Variants in F13A1 observed in about 807,000 individuals in gnomAD.
F13A1 encodes the protein coagulation factor XIII A chain.
A neutral mutation model predicts 80.1 loss-of-function variants in F13A1; 47 were observed. The ratio of observed to expected loss-of-function variants is 0.59; its 90% CI spans 0.46 to 0.75. F13A1 has a LOEUF of 0.75. Ranked by LOEUF, F13A1 falls within the 30% of genes least tolerant of loss-of-function variation. The pLI, the probability that F13A1 is intolerant of heterozygous loss-of-function variation, is 0.00. For synonymous variants in F13A1, 349 were observed against 344.9 expected, an observed-to-expected ratio of 1.01 and a Z score of -0.13; for missense variants, 817 against 930.4, an observed-to-expected ratio of 0.88 and a Z score of 1.59.
At chr6:6,155,139 A>C (rs1760450676) in intron 13 of F13A1, among the ~76,000 whole-genome samples, 2 of 152,172 alleles carry the variant, frequency 1.3e-5, no homozygotes, top group Admixed American at 6.5e-5. Context: ...TGAACCCTAG[A>C]TTAAGAACCC....
At chr6:6,236,854 C>T (rs1489583596) in intron 6 of F13A1, among the ~76,000 whole-genome samples, 2 of 152,122 alleles carry the variant, frequency 1.3e-5, no homozygotes, top group Non-Finnish European at 2.9e-5. Context: ...TTAAGTTTGG[C>T]AAGGAGAAGA....
At chr6:6,146,412 G>A (rs953193493) in intron 14 of F13A1, among the ~76,000 whole-genome samples, 2 of 152,178 alleles carry the variant, frequency 1.3e-5, no homozygotes, top group African/African-American at 4.8e-5. Context: ...ATGCCCTAAT[G>A]TATGCGGCTA....
At chr6:6,210,062 CA>C (rs560257894) in intron 8 of F13A1, among the ~76,000 whole-genome samples, 65 of 135,356 alleles carry the variant, frequency 4.8e-4, no homozygotes, top group East Asian at 6.3e-4. Flanking sequence ...CTTGTCTCTA[CA>C]AAAAAAAAAA....
chr6:6,308,460 G>GAA (rs1561686880), intron 2 of F13A1, among the ~76,000 whole-genome samples: 19 of 95,782 alleles, frequency 2.0e-4, no homozygotes, highest in African/African-American at 7.8e-4. Flanking sequence ...TGGTTTTTCT[G>GAA]TAAAAAAAAA....
chr6:6,312,929 C>T (rs1758626497), intron 2 of F13A1, among the ~76,000 whole-genome samples: 3 of 152,024 alleles, frequency 2.0e-5, no homozygotes, highest in Non-Finnish European at 2.9e-5. Context: ...ATTTCATTGC[C>T]CATGAGTCAG....
intron 13 of F13A1, among the ~76,000 whole-genome samples, chr6:6,159,264 G>A (rs1425064303): frequency 6.6e-6 from 1 of 152,054 alleles, no homozygotes; most frequent in Non-Finnish European, 1.5e-5. Context: ...GGAGGAGTGA[G>A]ATCAGCAGCC....
intron 13 of F13A1, among the ~76,000 whole-genome samples, chr6:6,159,210 A>G (rs1760531813): frequency 6.6e-6 from 1 of 151,966 alleles, no homozygotes; most frequent in Non-Finnish European, 1.5e-5. Flanking sequence ...GGTTTCCCCA[A>G]TTTTAATGTG....
In F13A1 at chr6:6,261,017, G is replaced by T. The variant is rs572214937; in HGVS notation, c.571+5541C>A. 5.3e-5 allele frequency among the ~76,000 whole-genome samples: 8 copies of T among 152,290 alleles called. No homozygotes were observed. The East Asian group carries it at 1.5e-3, about 29-fold the overall frequency. Reference sequence around the variant, plus strand: ...GGAGTCTCACTCTGTGGCCCAGGCTGGAGTGCAGTGGTACGATCTCGGCTC... The same window carrying T: ...GGAGTCTCACTCTGTGGCCCAGGCTTGAGTGCAGTGGTACGATCTCGGCTC... On this transcript the variant is annotated intron_variant, in intron 4 of 14. Transcript: ENST00000264870.
chr6:6,171,696 G>A (rs1760778287), intron 12 of F13A1, among the ~76,000 whole-genome samples: 1 of 152,186 alleles, frequency 6.6e-6, no homozygotes, highest in Non-Finnish European at 1.5e-5. Context: ...ACTCTCTAAA[G>A]GCTCCTCAGC....
intron 10 of F13A1, among the ~76,000 whole-genome samples, chr6:6,194,903 A>C (rs1761263230): frequency 6.6e-6 from 1 of 152,190 alleles, no homozygotes. Context: ...AAAGTCACTT[A>C]ATCACTCTTT....
intron 6 of F13A1, among the ~76,000 whole-genome samples, chr6:6,233,117 A>C (rs1757373963): frequency 6.6e-6 from 1 of 152,144 alleles, no homozygotes; most frequent in South Asian, 2.1e-4. Flanking sequence ...AGCAGAACTA[A>C]ACAAAATTGA....
rs112287155 is a variant in F13A1, at chr6:6,261,614, G to A, written c.571+4944C>T. 7.6e-5 allele frequency among the ~76,000 whole-genome samples: 6 copies of A among 78,680 alleles called. 3 individuals are homozygous for A. The South Asian group carries it at 2.0e-3, about 27-fold the overall frequency. The allele number at this position is 78,680 out of a possible 152,430, so 51.6% of individuals were successfully genotyped here. A position where few individuals can be genotyped will look rare whatever the true frequency, so the allele number is the denominator to read the frequency against. On this transcript the variant is annotated intron_variant, in intron 4 of 14. Transcript: ENST00000264870. ...GTGATTCTGATGTGTTCCAAGCGTG[G>A]TGACCCTCCAGGTGATTCTGATGTG...
chr6:6,240,951 T>C (rs1757476418), intron 6 of F13A1, among the ~76,000 whole-genome samples: 1 of 152,186 alleles, frequency 6.6e-6, no homozygotes, highest in Non-Finnish European at 1.5e-5. Context: ...TTTAGTACTT[T>C]ACTCTGTTGG....
At chr6:6,153,696 T>A (rs573683523) in intron 13 of F13A1, among the ~76,000 whole-genome samples, 2 of 152,250 alleles carry the variant, frequency 1.3e-5, no homozygotes, top group South Asian at 4.1e-4. Flanking sequence ...AGTCCAGCAC[T>A]TTAACCAGCA....
At chr6:6,308,267 G>A (rs936668474) in intron 2 of F13A1, among the ~76,000 whole-genome samples, 20 of 151,840 alleles carry the variant, frequency 1.3e-4, no homozygotes, top group Admixed American at 1.3e-4. Context: ...CAGGTGATCC[G>A]CCGGCTTGGC....
intron 10 of F13A1, among the ~76,000 whole-genome samples, chr6:6,182,889 G>T (rs1761014217): frequency 6.6e-6 from 1 of 152,098 alleles, no homozygotes; most frequent in Non-Finnish European, 1.5e-5. Flanking sequence ...TATTTAAATT[G>T]AACAATAATA....
chr6:6,262,240 G>A (rs1268230565), intron 4 of F13A1, among the ~76,000 whole-genome samples: 6 of 150,762 alleles, frequency 4.0e-5, no homozygotes, highest in African/African-American at 1.2e-4. Flanking sequence ...TGCTCCAAGC[G>A]TGGTGACCCT....
intron 3 of F13A1, among the ~76,000 whole-genome samples, chr6:6,303,020 T>C (rs750430811): frequency 6.6e-6 from 1 of 152,156 alleles, no homozygotes; most frequent in Non-Finnish European, 1.5e-5. Flanking sequence ...AGTTGGAGAG[T>C]CAGTTATTTC....
intron 3 of F13A1, among the ~76,000 whole-genome samples, chr6:6,285,089 CAA>C (rs63685062): frequency 6.6e-6 from 1 of 152,086 alleles, no homozygotes; most frequent in Non-Finnish European, 1.5e-5. Flanking sequence ...ACTAAAAATA[CAA>C]AAAATAAATT....
Sources: gnomAD v4.1 joint callset for allele counts (sites outside exome capture counted in the v4.1 genomes callset) on GRCh38, gnomAD v4.1.1 for gene constraint, MANE v1.5 for transcripts, NCBI Gene and HGNC (gene_info 2026-07-23, HGNC 2026-07-21) for gene names.